Variants in SEMA3A observed in about 807,000 individuals in gnomAD.
SEMA3A encodes the protein semaphorin 3A, also known as semaphorin-3A.
Under a neutral mutation model 97.9 loss-of-function variants are expected in SEMA3A, and 29 were observed. That is an observed-to-expected ratio of 0.30 (90% CI 0.22 to 0.40). The LOEUF (loss-of-function observed/expected upper bound fraction) is 0.40. Ranked by LOEUF, SEMA3A falls within the 10% of genes least tolerant of loss-of-function variation. The pLI is 1.00. For synonymous variants in SEMA3A, 321 were observed against 323.7 expected (o/e 0.99, Z 0.09); for missense variants, 763 against 951.3 (o/e 0.80, Z 2.60).
At chr7:84,148,373 C>T (rs11769574) in intron 1 of SEMA3A, among the ~76,000 whole-genome samples, 34,008 of 151,910 alleles carry the variant, frequency 0.22, 3,929 homozygotes, top group South Asian at 0.27. Context: ...ATCAGAGCTC[C>T]GTGCGGAAGG....
chr7:84,307,003 C>A (rs1177255033), intron 3 of SEMA3A, among the ~76,000 whole-genome samples: 1 of 151,884 alleles, frequency 6.6e-6, no homozygotes, highest in African/African-American at 2.4e-5. Flanking sequence ...ATGGCAATTC[C>A]TACAAACTGA....
intron 1 of SEMA3A, among the ~76,000 whole-genome samples, chr7:84,375,407 A>C (rs920212157): frequency 1.9e-4 from 29 of 152,184 alleles, no homozygotes; most frequent in African/African-American, 7.0e-4. Flanking sequence ...TTGTCTTTCT[A>C]ATAACCCTAT....
chr7:84,424,953 TTATATA>T (rs1215982940), intron 1 of SEMA3A, among the ~76,000 whole-genome samples: 1 of 100,800 alleles, frequency 9.9e-6, no homozygotes, highest in African/African-American at 4.2e-5. Context: ...ATATTTATAA[TTATATA>T]TATAATTTAT....
At chr7:84,463,083 C>A (rs1805893002) in intron 1 of SEMA3A, among the ~76,000 whole-genome samples, 3 of 152,026 alleles carry the variant, frequency 2.0e-5, no homozygotes, top group Non-Finnish European at 4.4e-5. Context: ...TGAATAACCA[C>A]CAAAGTACTG....
chr7:84,129,060 G>T, intron 3 of SEMA3A, 63 bp downstream of exon 3: 2 of 1,281,776 alleles, frequency 1.6e-6, no homozygotes, highest in Non-Finnish European at 2.3e-6. Context: ...AAACACTTTT[G>T]TCCCAAGCAT....
At chr7:84,164,471 T>C (rs1797140442) in intron 1 of SEMA3A, among the ~76,000 whole-genome samples, 1 of 152,296 alleles carries the variant, frequency 6.6e-6, no homozygotes, top group African/African-American at 2.4e-5. Flanking sequence ...TGGGATAATC[T>C]TATCCCATTG....
At chr7:84,106,186 T>C (rs959568934) in intron 4 of SEMA3A, among the ~76,000 whole-genome samples, 2 of 152,200 alleles carry the variant, frequency 1.3e-5, no homozygotes, top group African/African-American at 2.4e-5. Context: ...TTTTGGTTAA[T>C]GATGAACGGC....
chr7:84,470,547 C>A (rs1158836560), intron 1 of SEMA3A, among the ~76,000 whole-genome samples: 1 of 151,980 alleles, frequency 6.6e-6, no homozygotes, highest in East Asian at 1.9e-4. Context: ...CTTTGCCGTG[C>A]CCTAGTGGTT....
At position 84,108,294 on chromosome 7, in the gene SEMA3A, A is replaced by G. The variant is rs146586659; in HGVS notation, c.453+2176T>C. ...AATGCAAGTCCTGCAGTCTGAGGCT[A>G]GAGGATATGCTTTCAACAATGATGG... is the stretch of plus-strand genomic sequence containing the variant. On this transcript the variant is annotated intron_variant, in intron 4 of 16. Transcript: ENST00000265362. 1.5e-4 allele frequency among the ~76,000 whole-genome samples: 23 copies of G among 152,060 alleles called. No homozygotes were observed. In the East Asian group the frequency reaches 4.5e-3, roughly 30 times the overall value.
At chr7:84,376,133 T>G (rs929471272) in intron 1 of SEMA3A, among the ~76,000 whole-genome samples, 16 of 152,318 alleles carry the variant, frequency 1.1e-4, no homozygotes, top group African/African-American at 3.4e-4. Context: ...TCTAGGCTAT[T>G]GTGAATAGTG....
chr7:84,150,150 T>C (rs1192362053), intron 1 of SEMA3A, among the ~76,000 whole-genome samples: 1 of 152,236 alleles, frequency 6.6e-6, no homozygotes, highest in African/African-American at 2.4e-5. Flanking sequence ...TGGTAGGAAT[T>C]ATTTTTTAAC....
At chr7:84,263,828 C>T (rs1395396876) in intron 3 of SEMA3A, among the ~76,000 whole-genome samples, 2 of 152,008 alleles carry the variant, frequency 1.3e-5, no homozygotes, top group Admixed American at 6.6e-5. Flanking sequence ...ATAGCTGTGA[C>T]TCTTGGTCTT....
At chr7:83,969,731 T>C (rs921534215) in intron 15 of SEMA3A, among the ~76,000 whole-genome samples, 1 of 152,178 alleles carries the variant, frequency 6.6e-6, no homozygotes, top group East Asian at 1.9e-4. Context: ...AGTTTAATAA[T>C]GTTATAAAAA....
chr7:84,296,110 T>C (rs1159036823), intron 3 of SEMA3A, among the ~76,000 whole-genome samples: 3 of 152,106 alleles, frequency 2.0e-5, no homozygotes, highest in African/African-American at 7.2e-5. Flanking sequence ...ATGTAATATA[T>C]AGAAGACCTG....
At chr7:84,233,725 G>T (rs770547524) in intron 3 of SEMA3A, among the ~76,000 whole-genome samples, 1 of 151,928 alleles carries the variant, frequency 6.6e-6, no homozygotes, top group Non-Finnish European at 1.5e-5. Context: ...TCTTCCTACT[G>T]TTTTCAATTC....
intron 1 of SEMA3A, among the ~76,000 whole-genome samples, chr7:84,156,313 G>C (rs779452245): frequency 1.3e-5 from 2 of 152,042 alleles, no homozygotes; most frequent in Non-Finnish European, 2.9e-5. Flanking sequence ...CAAATTTGAA[G>C]TCTCCACTGG....
intron 1 of SEMA3A, among the ~76,000 whole-genome samples, chr7:84,461,463 G>C (rs905789267): frequency 1.3e-4 from 15 of 118,354 alleles, no homozygotes; most frequent in African/African-American, 4.8e-4. Flanking sequence ...TACTTGGAAA[G>C]CTTTTTTTTT....
At chr7:84,489,370 C>G (rs1386749188) in intron 1 of SEMA3A, among the ~76,000 whole-genome samples, 1 of 152,108 alleles carries the variant, frequency 6.6e-6, no homozygotes, top group African/African-American at 2.4e-5. Context: ...AACCATATCA[C>G]TATCTGCATG....
At chr7:84,199,021 T>C (rs1286168298), upstream of SEMA3A, among the ~76,000 whole-genome samples, 6 of 152,186 alleles carry the variant, frequency 3.9e-5, no homozygotes, top group Non-Finnish European at 8.8e-5. Flanking sequence ...TTTAAAATGT[T>C]CCCTCTCTAT....
Sources: allele counts gnomAD v4.1 joint callset (sites outside exome capture counted in the v4.1 genomes callset), GRCh38; gene constraint gnomAD v4.1.1; transcripts MANE v1.5; gene names NCBI Gene and HGNC (gene_info 2026-07-23, HGNC 2026-07-21).